Variants in BIRC2 observed in about 807,000 individuals in gnomAD.
The protein encoded by BIRC2 is baculoviral IAP repeat-containing protein 2.
A neutral mutation model predicts 60.9 loss-of-function variants in BIRC2; 18 were observed. The ratio of observed to expected loss-of-function variants is 0.30; its 90% CI spans 0.20 to 0.44. The LOEUF (loss-of-function observed/expected upper bound fraction) is 0.44. BIRC2 is among the 20% of genes least tolerant of loss of function. The pLI, the probability that BIRC2 is intolerant of heterozygous loss-of-function variation, is 1.00. For missense variants in BIRC2, 701 were observed against 728.5 expected (o/e 0.96, Z 0.43); for synonymous variants, 282 against 247.7 (o/e 1.14, Z -1.30).
At chr11:102,364,631 A>C (rs1951532157) in intron 5 of BIRC2, among the ~76,000 whole-genome samples, 1 of 152,224 alleles carries the variant, frequency 6.6e-6, no homozygotes, top group Non-Finnish European at 1.5e-5. Flanking sequence ...AATCACATCT[A>C]CAAAGGGCCA....
At chr11:102,359,987 G>C (rs558952975) in intron 3 of BIRC2, among the ~76,000 whole-genome samples, 2 of 124,028 alleles carry the variant, frequency 1.6e-5, no homozygotes, top group African/African-American at 3.1e-5. Flanking sequence ...TTTTTTTTTT[G>C]ATGGTGTCTT....
At chr11:102,366,146 G>A (rs1460686140) in intron 5 of BIRC2, among the ~76,000 whole-genome samples, 2 of 152,084 alleles carry the variant, frequency 1.3e-5, no homozygotes, top group Non-Finnish European at 2.9e-5. Flanking sequence ...TGACCAAACC[G>A]GAAATTTTCT....
chr11:102,368,912 T>A (rs1951586137), intron 6 of BIRC2, among the ~76,000 whole-genome samples: 2 of 151,854 alleles, frequency 1.3e-5, no homozygotes, highest in African/African-American at 4.8e-5. Context: ...TCAACCTGTT[T>A]TTTTTTTTAA....
chr11:102,347,903 T>G (rs1034253884), intron 1 of BIRC2: 2 of 152,330 alleles, frequency 1.3e-5, no homozygotes, highest in East Asian at 3.9e-4. Flanking sequence ...CCAGCTGCAA[T>G]TTGCGTAAAG....
chr11:102,361,837 T>TC (rs1023824959), intron 3 of BIRC2, among the ~76,000 whole-genome samples: 4 of 50,762 alleles, frequency 7.9e-5, no homozygotes, highest in African/African-American at 2.5e-4. Flanking sequence ...GTGGTTATTC[T>TC]CCCTTTTTTT....
chr11:102,347,763 A>G (rs1301388579), intron 1 of BIRC2: 3 of 152,010 alleles, frequency 2.0e-5, no homozygotes, highest in Non-Finnish European at 4.4e-5. Flanking sequence ...GCGATATTTC[A>G]TATTTCATAG....
intron 6 of BIRC2, among the ~76,000 whole-genome samples, chr11:102,374,453 G>A (rs1381718291): frequency 4.0e-5 from 6 of 148,874 alleles, no homozygotes; most frequent in African/African-American, 1.2e-4. Context: ...TGCCCCTGCT[G>A]GGGGGTGCCT....
Position 102,350,712 on chromosome 11 carries a change from G to C in BIRC2, c.858G>C (p.Gln286His), listed in dbSNP as rs146787390. 1.2e-6 allele frequency: 2 copies of C among 1,609,586 alleles called. No individual in the cohort carries two copies. The highest frequency in any genetic ancestry group is 1.3e-5 in the African/African-American group (1 of 74,674). The stretch of plus-strand genomic sequence containing the variant: ...ACTGGCCATCTAGTGTTCCAGTTCA[G>C]CCTGAGCAGCTTGCAAGTGCTGGTT... Reference protein sequence around the residue: ...FMYWPSSVPVQPEQLASAGFY... With the variant: ...FMYWPSSVPVHPEQLASAGFY... The change falls in exon 2 of 9, where the codon CAG becomes CAC. Residue 286 changes from glutamine (Q) to histidine (H), a missense_variant. Around this residue, in one of 4 missense-constraint regions of BIRC2, gnomAD observed 375 missense variants for 365.9 expected, o/e 1.02. Transcript: ENST00000227758.
chr11:102,374,794 G>A (rs1174427060), intron 6 of BIRC2, among the ~76,000 whole-genome samples: 1 of 152,228 alleles, frequency 6.6e-6, no homozygotes, highest in Non-Finnish European at 1.5e-5. Flanking sequence ...TTTGATCTCA[G>A]ACTGCTGTGC....
chr11:102,377,448 T>C, intron 6 of BIRC2, 48 bp from the exon 7 acceptor site: 1 of 1,529,700 alleles, frequency 6.5e-7, no homozygotes, highest in Non-Finnish European at 8.8e-7. Flanking sequence ...TGAGTATAGT[T>C]AAAGGAGTTT....
In BIRC2 at chr11:102,368,522, A is replaced by G. The variant is rs765895221; in HGVS notation, c.1340A>G (p.Glu447Gly). The change falls in exon 6 of 9, where the codon GAA becomes GGA. Residue 447 changes from glutamate (E) to glycine (G), a missense_variant. Coordinates refer to ENST00000227758, the MANE Select transcript of BIRC2 (RefSeq NM_001166.5). ...AEDEKREEEK[E>G]KQAEEMASDD... is the part of the protein sequence containing the mutation. ...GATGAAAAAAGAGAAGAGGAGAAGG[A>G]AAAACAAGCTGAAGAAATGGCATCA... 3.7e-6 allele frequency: 6 copies of G among 1,613,346 alleles called. No individual in the cohort carries two copies. Among genetic ancestry groups the G allele is most frequent in the Admixed American group, 1.7e-5 (1 of 59,862 alleles).
chr11:102,355,552 AGTT>A (rs2135807413), intron 3 of BIRC2, among the ~76,000 whole-genome samples: 1 of 151,898 alleles, frequency 6.6e-6, no homozygotes, highest in South Asian at 2.1e-4. Flanking sequence ...TGATGCCTCC[AGTT>A]GTTTTTTTTG....
At chr11:102,356,483 A>C (rs11501343) in intron 3 of BIRC2, among the ~76,000 whole-genome samples, 9,744 of 152,058 alleles carry the variant, frequency 0.064, 360 homozygotes, top group Non-Finnish European at 0.081. Flanking sequence ...GGCGTGAGCC[A>C]CTGCACCCGG....
At chr11:102,369,426 G>A (rs1019048342) in intron 6 of BIRC2, among the ~76,000 whole-genome samples, 21 of 150,680 alleles carry the variant, frequency 1.4e-4, no homozygotes, top group African/African-American at 3.7e-4. Context: ...TTGGTTTTTC[G>A]TTCTTGCGAT....
chr11:102,356,079 C>A (rs960380311), intron 3 of BIRC2, among the ~76,000 whole-genome samples: 2 of 151,938 alleles, frequency 1.3e-5, no homozygotes, highest in Non-Finnish European at 2.9e-5. Context: ...GATTTGGATG[C>A]CTTTTTCTTT....
chr11:102,377,730 C>T lies in BIRC2; in HGVS notation c.1601C>T (p.Thr534Ile). 1 of 1,605,004 alleles carries T rather than the reference C, an allele frequency of 6.2e-7. No individual in the cohort carries two copies. The highest frequency in any genetic ancestry group is 8.5e-7 in the Non-Finnish European group (1 of 1,178,118). ...AACTGTCTAAAAGAAATTGACTCTA[C>T]ATTGTATAAGAACTTATTTGGTGAG... ...FKNCLKEIDS[T>I]LYKNLFVDKN... The change falls in exon 7 of 9, where the codon ACA becomes ATA. Residue 534 changes from threonine (T) to isoleucine (I), a missense_variant. Thr to Ile is a moderately conservative substitution (Grantham distance 89, BLOSUM62 -1). This residue lies in a region of BIRC2 where 235 missense variants were observed against 208.9 expected (regional missense o/e 1.12). Transcript: ENST00000227758.
At chr11:102,353,775 C>T (rs923460059) in intron 3 of BIRC2, among the ~76,000 whole-genome samples, 7 of 149,524 alleles carry the variant, frequency 4.7e-5, no homozygotes, top group African/African-American at 1.7e-4. Context: ...CTATAGTCAC[C>T]ATGTGCTGTA....
intron 6 of BIRC2, among the ~76,000 whole-genome samples, chr11:102,369,068 T>C (rs1349183959): frequency 6.6e-6 from 1 of 152,170 alleles, no homozygotes; most frequent in African/African-American, 2.4e-5. Context: ...AAAACTGATT[T>C]TTGTATTCGT....
Position 102,350,267 on chromosome 11 carries a change from C to T in BIRC2, c.413C>T (p.Ser138Leu). ...TSPMRNSFAH[S>L]LSPTLEHSSL... ...CCAATGAGAAACAGTTTTGCACATTCATTATCTCCCACCTTGGAACATAGT... is the reference window on the plus strand; with the variant it reads ...CCAATGAGAAACAGTTTTGCACATTTATTATCTCCCACCTTGGAACATAGT... The change falls in exon 2 of 9, where the codon TCA becomes TTA. Residue 138 changes from serine to leucine, a missense_variant. Physicochemically the swap from Ser to Leu is moderately radical, Grantham distance 145 (BLOSUM62 -2). Coordinates refer to ENST00000227758, the MANE Select transcript of BIRC2 (RefSeq NM_001166.5). The T allele has an allele frequency of 6.2e-7, 1 of 1,614,248 alleles. No homozygotes were observed. The highest frequency in any genetic ancestry group is 8.5e-7 in the Non-Finnish European group (1 of 1,180,046).
Sources: allele counts gnomAD v4.1 joint callset (sites outside exome capture counted in the v4.1 genomes callset), GRCh38; gene constraint gnomAD v4.1.1; regional missense constraint gnomAD v4.1.1; transcripts MANE v1.5; gene names NCBI Gene and HGNC (gene_info 2026-07-23, HGNC 2026-07-21).